Variants in RTTN observed in about 807,000 individuals in gnomAD.
RTTN encodes the protein rotatin.
RTTN carries 182 observed loss-of-function variants against 269.2 expected under a neutral mutation model. That is an observed-to-expected ratio of 0.68 (90% CI 0.60 to 0.76). The LOEUF (loss-of-function observed/expected upper bound fraction) is 0.76, where lower values mean the gene tolerates loss of function less well. Among genes scored for constraint, RTTN ranks in the 30% least tolerant of loss-of-function variants. The pLI, the probability that RTTN is intolerant of heterozygous loss-of-function variation, is 0.00. For missense variants in RTTN, 2,545 were observed against 2,608.6 expected, an observed-to-expected ratio of 0.98 and a Z score of 0.53; for synonymous variants, 1,006 against 963.5, an observed-to-expected ratio of 1.04 and a Z score of -0.82.
intron 11 of RTTN, among the ~76,000 whole-genome samples, chr18:70,173,704 T>A (rs2061209051): frequency 6.6e-6 from 1 of 152,290 alleles, no homozygotes; most frequent in Admixed American, 6.5e-5. Context: ...GTCTGAATGA[T>A]CTGAGATATT....
chr18:70,056,398 T>C (rs1345473285), intron 37 of RTTN, among the ~76,000 whole-genome samples: 8 of 152,192 alleles, frequency 5.3e-5, no homozygotes, highest in Non-Finnish European at 1.2e-4. Flanking sequence ...CTTTATAAAA[T>C]GACATTAATG....
chr18:70,135,720 T>C (rs560576607), intron 21 of RTTN, among the ~76,000 whole-genome samples: 6 of 152,308 alleles, frequency 3.9e-5, no homozygotes, highest in African/African-American at 1.2e-4. Flanking sequence ...TACAAACATG[T>C]GATCACAGAA....
chr18:70,198,822 T>C (rs553895620), intron 5 of RTTN, among the ~76,000 whole-genome samples: 4 of 152,290 alleles, frequency 2.6e-5, no homozygotes, highest in Admixed American at 2.6e-4. Context: ...GCATAAGCAA[T>C]GGCCAATAAG....
chr18:70,109,274 C>T (rs574684803), intron 28 of RTTN, among the ~76,000 whole-genome samples: 3 of 152,200 alleles, frequency 2.0e-5, no homozygotes, highest in African/African-American at 7.2e-5. Flanking sequence ...TTCCTTTGAG[C>T]ATCAAAAGTT....
chr18:70,184,390 C>T (rs1201544500), intron 10 of RTTN, among the ~76,000 whole-genome samples: 1 of 151,998 alleles, frequency 6.6e-6, no homozygotes, highest in Non-Finnish European at 1.5e-5. Context: ...CCTGTCTCTA[C>T]TAAAAATACA....
chr18:70,133,467 A>G (rs1272055037), intron 23 of RTTN, among the ~76,000 whole-genome samples: 1 of 152,170 alleles, frequency 6.6e-6, no homozygotes, highest in Non-Finnish European at 1.5e-5. Flanking sequence ...ATAATAGCCC[A>G]AAACAGAAAA....
Position 70,061,298 on chromosome 18 carries a change from G to C in RTTN, c.4748-1256C>G, listed in dbSNP as rs1372963812. On this transcript the variant is annotated intron_variant, in intron 35 of 48. Coordinates refer to ENST00000640769, the MANE Select transcript of RTTN (RefSeq NM_173630.4). The stretch of plus-strand genomic sequence containing the variant: ...TTAGTGAACACCTCCATTAACCTTT[G>C]AGCATTCCCTTACTTTCTGGCACAG... 5 of 455,200 alleles carry C rather than the reference G, an allele frequency of 1.1e-5. No homozygotes were observed. In the Admixed American group the frequency reaches 1.2e-4, roughly 11 times the overall value. 28.2% of individuals were successfully genotyped at this position (455,200 alleles called of 1,614,324 possible).
rs746625426 is a variant in RTTN at position 70,048,240 on chromosome 18, CA to C, written c.5324-53del. On this transcript the variant is annotated intron_variant, in intron 39 of 48. Coordinates refer to ENST00000640769, the MANE Select transcript of RTTN (RefSeq NM_173630.4). Reference sequence around the variant, plus strand: ...GTTTGAAAATTTCTTCAAAATTCAACAAAAAGGAAATCAAGTTGATTTTAAA... The same window carrying C: ...GTTTGAAAATTTCTTCAAAATTCAACAAAAGGAAATCAAGTTGATTTTAAA... The C allele has an allele frequency of 2.0e-6, 3 of 1,498,606 alleles. No individual in the cohort carries two copies. In the East Asian group the frequency reaches 6.9e-5, roughly 34 times the overall value. 92.8% of individuals were successfully genotyped at this position (1,498,606 alleles called of 1,614,324 possible).
At chr18:70,034,887 C>A (rs2057123871) in intron 40 of RTTN, among the ~76,000 whole-genome samples, 1 of 152,272 alleles carries the variant, frequency 6.6e-6, no homozygotes, top group African/African-American at 2.4e-5. Context: ...CACTAACATT[C>A]CTATATACCA....
chr18:70,060,675 C>A (rs551715592), intron 35 of RTTN, among the ~76,000 whole-genome samples: 6 of 152,062 alleles, frequency 3.9e-5, no homozygotes, highest in African/African-American at 1.2e-4. Context: ...ACTATAGTTA[C>A]CCTGTTGTGC....
chr18:70,202,598 A>C (rs17082223), intron 3 of RTTN, among the ~76,000 whole-genome samples: 1 of 152,170 alleles, frequency 6.6e-6, no homozygotes, highest in Non-Finnish European at 1.5e-5. Flanking sequence ...AAAAATTCAC[A>C]GTGTAAGACT....
intron 3 of RTTN, among the ~76,000 whole-genome samples, chr18:70,203,104 G>A (rs1334325417): frequency 2.0e-5 from 3 of 152,056 alleles, no homozygotes; most frequent in Non-Finnish European, 4.4e-5. Context: ...CAGCAGCACA[G>A]CAGCCAACAC....
chr18:70,184,716 T>TTTTTTTTTTTGAGTG (rs59000945), intron 10 of RTTN, among the ~76,000 whole-genome samples: 1 of 33,428 alleles, frequency 3.0e-5, no homozygotes, highest in Non-Finnish European at 8.1e-5. Context: ...TTTTTTTTTT[T>TTTTTTTTTTTGAGTG]TGTGTGTGTG....
chr18:70,134,079 G>A (rs2060062486), intron 23 of RTTN, among the ~76,000 whole-genome samples: 1 of 152,034 alleles, frequency 6.6e-6, no homozygotes. Flanking sequence ...GGATGTGCAT[G>A]CTGGAATATA....
At chr18:70,139,854 G>A (rs2060213215) in intron 20 of RTTN, 138 bp from the exon 21 acceptor site, 3 of 642,230 alleles carry the variant, frequency 4.7e-6, no homozygotes, top group South Asian at 2.1e-5. Flanking sequence ...ATAAATACTA[G>A]GAATTACTTT....
intron 23 of RTTN, chr18:70,131,059 G>C (rs1055068184): frequency 2.0e-5 from 3 of 151,250 alleles, no homozygotes; most frequent in African/African-American, 7.3e-5. Context: ...GACAGCCAAT[G>C]TTCCTACAAA....
intron 6 of RTTN, 107 bp from the exon 7 acceptor site, chr18:70,196,755 A>G (rs1388473008): frequency 1.8e-6 from 2 of 1,107,954 alleles, no homozygotes; most frequent in South Asian, 3.0e-5. Flanking sequence ...TCAAGAGAAA[A>G]TAAGTTGCCA....
At chr18:70,167,699 G>A (rs1473312118) in intron 12 of RTTN, among the ~76,000 whole-genome samples, 14 of 143,532 alleles carry the variant, frequency 9.8e-5, no homozygotes, top group African/African-American at 3.4e-4. Context: ...GTGAGATTTC[G>A]TCTCAAAAAA....
intron 27 of RTTN, among the ~76,000 whole-genome samples, chr18:70,111,004 G>A (rs751542942): frequency 3.9e-5 from 6 of 152,240 alleles, no homozygotes; most frequent in Non-Finnish European, 8.8e-5. Context: ...TGGCCAGATT[G>A]CCAGATTTCC....
Sources: gnomAD v4.1 joint callset for allele counts (sites outside exome capture counted in the v4.1 genomes callset) on GRCh38, gnomAD v4.1.1 for gene constraint, MANE v1.5 for transcripts, NCBI Gene and HGNC (gene_info 2026-07-23, HGNC 2026-07-21) for gene names.